ABAT: variants seen among roughly 807,000 people sequenced by gnomAD.
ABAT encodes 4-aminobutyrate aminotransferase, also known as 4-aminobutyrate aminotransferase, mitochondrial.
In ABAT, 45 loss-of-function variants were observed where a neutral mutation model predicts 64.6. That is an observed-to-expected ratio of 0.70 (90% CI 0.55 to 0.89). ABAT has a LOEUF of 0.89. ABAT is among the 40% of genes least tolerant of loss of function. The pLI is 0.00. For synonymous variants in ABAT, 297 were observed against 250.5 expected, an observed-to-expected ratio of 1.19 and a Z score of -1.75; for missense variants, 633 against 658.4, an observed-to-expected ratio of 0.96 and a Z score of 0.42.
intron 1 of ABAT, among the ~76,000 whole-genome samples, chr16:8,715,990 T>G (rs945897633): frequency 1.3e-5 from 2 of 152,278 alleles, no homozygotes; most frequent in East Asian, 3.9e-4. Flanking sequence ...GTTTCGAGGA[T>G]TACAAGCGGC....
intron 1 of ABAT, among the ~76,000 whole-genome samples, chr16:8,689,351 C>A (rs1216195517): frequency 6.6e-6 from 1 of 152,296 alleles, no homozygotes; most frequent in South Asian, 2.1e-4. Context: ...TGTGTTTAAT[C>A]TTTGCCCCCA....
In ABAT at chr16:8,745,002, T is replaced by C. The variant is rs563766173; in HGVS notation, c.71-999T>C. ...GTTTTCCCTTTGTTTTTTGTTTGTT[T>C]GTTGAGACAGCGTCTCACTCTGTTG... On this transcript the variant is annotated intron_variant, in intron 2 of 15. Coordinates refer to ENST00000268251, the MANE Select transcript of ABAT (RefSeq NM_020686.6). Among the ~76,000 whole-genome samples the C allele has an allele frequency of 2.0e-5, 3 of 152,274 alleles. No homozygotes were observed. In the South Asian group the frequency reaches 6.2e-4, roughly 32 times the overall value.
At chr16:8,759,693 G>A (rs1268487829) in intron 6 of ABAT, among the ~76,000 whole-genome samples, 1 of 151,968 alleles carries the variant, frequency 6.6e-6, no homozygotes, top group Non-Finnish European at 1.5e-5. Context: ...TTGGTTTTTT[G>A]TTGGTTTGTT....
chr16:8,752,333 T>A (rs1404324411), intron 5 of ABAT, among the ~76,000 whole-genome samples: 2 of 152,194 alleles, frequency 1.3e-5, no homozygotes, highest in Non-Finnish European at 2.9e-5. Context: ...TGTCCTGGGT[T>A]CAAATCCTGG....
chr16:8,684,125 A>G (rs2057397266), intron 1 of ABAT, among the ~76,000 whole-genome samples: 3 of 152,152 alleles, frequency 2.0e-5, no homozygotes. Flanking sequence ...CTCAAAGTAA[A>G]AAGAGGTTAC....
chr16:8,733,049 G>C (rs966141987), intron 1 of ABAT, among the ~76,000 whole-genome samples: 2 of 146,694 alleles, frequency 1.4e-5, no homozygotes, highest in Admixed American at 6.6e-5. Context: ...CTCCCTCCCG[G>C]ATGGGGCGGC....
intron 9 of ABAT, among the ~76,000 whole-genome samples, 167 bp downstream of exon 9, chr16:8,766,437 C>T (rs1455126359): frequency 6.6e-6 from 1 of 152,092 alleles, no homozygotes; most frequent in Non-Finnish European, 1.5e-5. Flanking sequence ...GGCGGATCAC[C>T]CAAGGTCAGG....
At chr16:8,757,927 G>A in intron 6 of ABAT, 121 bp downstream of exon 6, 2 of 1,156,060 alleles carry the variant, frequency 1.7e-6, no homozygotes, top group African/African-American at 1.5e-5. Flanking sequence ...TATGTATTGA[G>A]CCCATACTAT....
At chr16:8,766,052 C>G in intron 8 of ABAT, 156 bp from the exon 9 acceptor site, 1 of 696,674 alleles carries the variant, frequency 1.4e-6, no homozygotes, top group East Asian at 2.8e-5. Context: ...TTGGTAGCCT[C>G]ACGTTTCAGT....
chr16:8,715,958 C>T (rs548023281), intron 1 of ABAT, among the ~76,000 whole-genome samples: 4 of 152,192 alleles, frequency 2.6e-5, no homozygotes, highest in South Asian at 2.1e-4. Context: ...AGAGTGGGCA[C>T]GAGTGTGGCA....
rs1175747004 is a variant in ABAT at position 8,784,039 on chromosome 16, A to G, written c.*2609A>G. 1 of 152,330 alleles carries G rather than the reference A, an allele frequency of 6.6e-6. No individual in the cohort carries two copies. The highest frequency in any genetic ancestry group is 1.9e-4 in the East Asian group (1 of 5,192). 9.4% of individuals were successfully genotyped at this position (152,330 alleles called of 1,614,324 possible). A position where few individuals can be genotyped will look rare whatever the true frequency, so the allele number is the denominator to read the frequency against. On this transcript the variant is annotated 3_prime_UTR_variant, in exon 16 of 16. Transcript: ENST00000268251. ...AAAAGAATTCTCAGCAGAGCTCAAG[A>G]TTGTAGAAACTCAGCAGAAGCTGGT...
intron 1 of ABAT, among the ~76,000 whole-genome samples, chr16:8,698,858 A>G (rs778413506): frequency 6.6e-5 from 10 of 152,182 alleles, no homozygotes; most frequent in Non-Finnish European, 7.4e-5. Context: ...AGGCACAAGA[A>G]TCACTTGAAC....
Position 8,774,894 on chromosome 16 carries a change from G to C in ABAT, c.959G>C (p.Gly320Ala), listed in dbSNP as rs1250745987. 6.2e-7 allele frequency: 1 copy of C among 1,613,866 alleles called. No individual in the cohort carries two copies. Among genetic ancestry groups the C allele is most frequent in the Non-Finnish European group, 8.5e-7 (1 of 1,180,036 alleles). Reference protein sequence around the residue: ...RKLRDIARKHGCAFLVDEVQT... With the variant: ...RKLRDIARKHACAFLVDEVQT... ...TCCTCTCTCTTCTCCGGCCAGCATG[G>C]CTGCGCCTTCTTGGTGGACGAGGTC... is the stretch of plus-strand genomic sequence containing the variant. The change falls in exon 13 of 16, where the codon GGC (glycine) becomes GCC (alanine). Residue 320 changes from glycine (G) to alanine (A), a missense_variant. Physicochemically the swap from Gly to Ala is moderately conservative, Grantham distance 60. Transcript: ENST00000268251.
rs982335987 is a variant in ABAT, at chr16:8,722,977, G to C, written c.-41-12722G>C. 1.3e-5 allele frequency: 10 copies of C among 782,220 alleles called. No homozygotes were observed. The African/African-American group carries it at 1.4e-4, about 11-fold the overall frequency. The allele number at this position is 782,220 out of a possible 1,614,324, so 48.5% of individuals were successfully genotyped here. On this transcript the variant is annotated intron_variant, in intron 1 of 15. Transcript: ENST00000268251. ...GATCCAGCCAGGCAAGGTGGCTCAT[G>C]CCTGTAATTCCAGCACTCTGGGAGG...
intron 13 of ABAT, among the ~76,000 whole-genome samples, chr16:8,775,405 G>C (rs952089829): frequency 1.3e-5 from 2 of 152,188 alleles, no homozygotes; most frequent in Admixed American, 6.5e-5. Flanking sequence ...CCAAGTAGCT[G>C]TTATTTTTAT....
intron 1 of ABAT, among the ~76,000 whole-genome samples, chr16:8,692,431 T>C (rs183228196): frequency 4.7e-4 from 72 of 152,250 alleles, no homozygotes; most frequent in Admixed American, 1.3e-3. Flanking sequence ...GTCCATAAAA[T>C]GCTTTCGGCA....
intron 2 of ABAT, among the ~76,000 whole-genome samples, chr16:8,743,535 TTA>T (rs2059236544): frequency 1.4e-5 from 2 of 142,122 alleles, no homozygotes; most frequent in Non-Finnish European, 3.0e-5. Context: ...AATATGTATT[TTA>T]GTTATAATAT....
intron 1 of ABAT, among the ~76,000 whole-genome samples, chr16:8,717,332 A>G (rs1029584058): frequency 6.6e-6 from 1 of 152,218 alleles, no homozygotes; most frequent in African/African-American, 2.4e-5. Flanking sequence ...TATCAAAATT[A>G]TTACATTTTA....
intron 1 of ABAT, 142 bp from the exon 2 acceptor site, chr16:8,735,557 G>T: frequency 2.6e-6 from 2 of 754,748 alleles, no homozygotes; most frequent in Non-Finnish European, 4.5e-6. Context: ...AATATATAAA[G>T]TCCATGTTCA....
Sources: gnomAD v4.1 joint callset for allele counts (sites outside exome capture counted in the v4.1 genomes callset) on GRCh38, gnomAD v4.1.1 for gene constraint, MANE v1.5 for transcripts, NCBI Gene and HGNC (gene_info 2026-07-23, HGNC 2026-07-21) for gene names.